Variants in ESRRG observed in about 807,000 individuals in gnomAD.
ESRRG encodes estrogen related receptor gamma, also known as estrogen-related receptor gamma.
ESRRG carries 13 observed loss-of-function variants against 44.0 expected under a neutral mutation model. That is an observed-to-expected ratio of 0.30 (90% confidence interval 0.19 to 0.47). ESRRG has a LOEUF of 0.47. Among genes scored for constraint, ESRRG ranks in the 20% least tolerant of loss-of-function variants. ESRRG has a pLI of 1.00. For synonymous variants in ESRRG, 215 were observed against 214.6 expected, an observed-to-expected ratio of 1.00 and a Z score of -0.02; for missense variants, 395 against 580.6, an observed-to-expected ratio of 0.68 and a Z score of 3.29.
chr1:216,632,944 G>T (rs1020548637), intron 3 of ESRRG, among the ~76,000 whole-genome samples: 1 of 152,090 alleles, frequency 6.6e-6, no homozygotes, highest in Admixed American at 6.5e-5. Flanking sequence ...TTGCCTAAAT[G>T]TTTAAACTAT....
chr1:216,974,828 C>G (rs2072513510), intron 1 of ESRRG, among the ~76,000 whole-genome samples: 1 of 151,746 alleles, frequency 6.6e-6, no homozygotes, highest in South Asian at 2.1e-4. Flanking sequence ...TCTCTCTCCC[C>G]TCGGAGGACA....
chr1:216,765,789 G>T (rs1227771649), intron 2 of ESRRG, among the ~76,000 whole-genome samples: 13 of 152,044 alleles, frequency 8.6e-5, no homozygotes, highest in Admixed American at 8.5e-4. Flanking sequence ...GCGTTCCACT[G>T]CCTGACAAAG....
At chr1:216,994,266 A>G (rs2076087224) in intron 1 of ESRRG, among the ~76,000 whole-genome samples, 1 of 152,200 alleles carries the variant, frequency 6.6e-6, no homozygotes, top group Admixed American at 6.5e-5. Flanking sequence ...TCAACTGACA[A>G]TTGTTTGGCT....
At chr1:217,090,674 C>T (rs1446785180), upstream of ESRRG, 1 of 152,170 alleles carries the variant, frequency 6.6e-6, no homozygotes, top group Non-Finnish European at 1.5e-5. Context: ...GAGAGAAGCC[C>T]AAACCCCTAG....
At chr1:217,054,864 G>C (rs897254289) in intron 1 of ESRRG, among the ~76,000 whole-genome samples, 1 of 152,084 alleles carries the variant, frequency 6.6e-6, no homozygotes, top group Non-Finnish European at 1.5e-5. Flanking sequence ...AACAACACAG[G>C]CCCTGTGAGA....
chr1:217,058,902 T>A (rs1266000130), intron 1 of ESRRG, among the ~76,000 whole-genome samples: 1 of 148,130 alleles, frequency 6.8e-6, no homozygotes, highest in Non-Finnish European at 1.5e-5. Context: ...AATGTAAATA[T>A]AGAATAAACT....
At chr1:216,544,561 C>T (rs1173009178) in intron 5 of ESRRG, among the ~76,000 whole-genome samples, 2 of 151,960 alleles carry the variant, frequency 1.3e-5, no homozygotes, top group East Asian at 1.9e-4. Context: ...CATGCAGGCT[C>T]CCTTACTTTT....
intron 1 of ESRRG, among the ~76,000 whole-genome samples, chr1:216,717,743 A>C (rs2085214548): frequency 6.6e-6 from 1 of 151,842 alleles, no homozygotes; most frequent in South Asian, 2.1e-4. Context: ...GAAATCTATA[A>C]TGTACTTTAT....
At position 216,716,169 on chromosome 1, in the gene ESRRG, G is replaced by A. The variant is rs2084833318; in HGVS notation, c.56+7075C>T. The stretch of plus-strand genomic sequence containing the variant: ...AAGTTTTTATTTACTTCATAAATAA[G>A]AGCCACTGAGGTTCACCACTTCAGA... On this transcript the variant is annotated intron_variant, in intron 1 of 6. Transcript: ENST00000408911. Among the ~76,000 whole-genome samples, 3 of 152,076 alleles carry A rather than the reference G, an allele frequency of 2.0e-5. No individual in the cohort carries two copies. The South Asian group carries it at 6.2e-4, about 32-fold the overall frequency.
At chr1:216,820,032 G>A (rs184696674) in intron 2 of ESRRG, among the ~76,000 whole-genome samples, 3 of 152,236 alleles carry the variant, frequency 2.0e-5, no homozygotes, top group Admixed American at 1.3e-4. Flanking sequence ...TCCATTTAGG[G>A]GAGAAAATAA....
intron 1 of ESRRG, among the ~76,000 whole-genome samples, chr1:216,717,784 T>C (rs1270274424): frequency 2.0e-5 from 3 of 151,868 alleles, no homozygotes; most frequent in Non-Finnish European, 3.0e-5. Context: ...TTTATATATT[T>C]GCTTTTAGAA....
At chr1:216,869,310 T>C (rs2096225035) in intron 2 of ESRRG, among the ~76,000 whole-genome samples, 1 of 152,140 alleles carries the variant, frequency 6.6e-6, no homozygotes, top group Admixed American at 6.5e-5. Context: ...TTTTCCAACA[T>C]CATTTGCTGA....
intron 2 of ESRRG, among the ~76,000 whole-genome samples, chr1:216,666,405 CA>C (rs1212208177): frequency 6.6e-6 from 1 of 152,146 alleles, no homozygotes; most frequent in Non-Finnish European, 1.5e-5. Context: ...ATATAAAGCA[CA>C]AAGTATCATT....
At chr1:216,695,041 T>C (rs1461169981) in intron 1 of ESRRG, among the ~76,000 whole-genome samples, 2 of 151,996 alleles carry the variant, frequency 1.3e-5, no homozygotes, top group African/African-American at 2.4e-5. Flanking sequence ...AGATAAATCA[T>C]GAGGAAAAGG....
intron 1 of ESRRG, chr1:216,681,775 G>A (rs1224348603): frequency 1.6e-5 from 1 of 61,338 alleles, no homozygotes; most frequent in East Asian, 4.0e-4. Flanking sequence ...TAGAGAGAGT[G>A]AGAGAAAGAA....
intron 1 of ESRRG, among the ~76,000 whole-genome samples, chr1:217,126,749 G>A (rs1189355199): frequency 6.6e-6 from 1 of 152,104 alleles, no homozygotes; most frequent in Non-Finnish European, 1.5e-5. Context: ...AAATTAGAGT[G>A]CATTGGAATA....
intron 2 of ESRRG, among the ~76,000 whole-genome samples, chr1:216,851,665 T>C (rs994468415): frequency 6.6e-6 from 1 of 152,184 alleles, no homozygotes; most frequent in Admixed American, 6.5e-5. Flanking sequence ...TGTAAGAAAT[T>C]AAATTTCTGT....
intron 2 of ESRRG, among the ~76,000 whole-genome samples, chr1:216,793,757 T>C (rs2094394308): frequency 6.6e-6 from 1 of 152,212 alleles, no homozygotes. Context: ...TATAGGTTTT[T>C]GTTTTGTTTT....
intron 1 of ESRRG, among the ~76,000 whole-genome samples, chr1:216,988,568 C>A (rs1553756915): frequency 6.6e-6 from 1 of 152,180 alleles, no homozygotes. Context: ...TGTTTGAGAA[C>A]CCCAACCCTC....
Sources: allele counts gnomAD v4.1 joint callset (sites outside exome capture counted in the v4.1 genomes callset), GRCh38; gene constraint gnomAD v4.1.1; transcripts MANE v1.5; gene names NCBI Gene and HGNC (gene_info 2026-07-23, HGNC 2026-07-21).